ITFG1: variants seen among roughly 807,000 people sequenced by gnomAD.
ITFG1 encodes the protein T-cell immunomodulatory protein.
ITFG1 carries 34 observed loss-of-function variants against 81.8 expected under a neutral mutation model. The ratio of observed to expected loss-of-function variants is 0.42; its 90% CI spans 0.32 to 0.55. The LOEUF (loss-of-function observed/expected upper bound fraction) is 0.55, where lower values mean the gene tolerates loss of function less well. Ranked by LOEUF, ITFG1 falls within the 20% of genes least tolerant of loss-of-function variation. The probability of loss-of-function intolerance (pLI) is 0.17; values close to 1 mark genes in which losing one functional copy is unlikely to be tolerated. For synonymous variants in ITFG1, 285 were observed against 270.6 expected, an observed-to-expected ratio of 1.05 and a Z score of -0.52; for missense variants, 672 against 755.4, an observed-to-expected ratio of 0.89 and a Z score of 1.29.
At chr16:47,342,786 A>G (rs1967801904) in intron 8 of ITFG1, among the ~76,000 whole-genome samples, 1 of 152,144 alleles carries the variant, frequency 6.6e-6, no homozygotes, top group South Asian at 2.1e-4. Flanking sequence ...AACACCCAGG[A>G]GTAAATTTAA....
At chr16:47,200,621 GA>G (rs900968134) in intron 14 of ITFG1, among the ~76,000 whole-genome samples, 3 of 151,964 alleles carry the variant, frequency 2.0e-5, no homozygotes, top group African/African-American at 7.3e-5. Flanking sequence ...TTAAACCAGA[GA>G]AAAAAGAGAA....
At chr16:47,278,893 C>T (rs1389383174) in intron 10 of ITFG1, among the ~76,000 whole-genome samples, 1 of 152,148 alleles carries the variant, frequency 6.6e-6, no homozygotes, top group Non-Finnish European at 1.5e-5. Context: ...ATGGTGAATA[C>T]TTATGAAAGA....
intron 8 of ITFG1, among the ~76,000 whole-genome samples, chr16:47,336,724 G>C (rs981213346): frequency 6.6e-6 from 1 of 152,090 alleles, no homozygotes; most frequent in African/African-American, 2.4e-5. Context: ...AGCACTTTGG[G>C]AGGCCGAGGA....
intron 10 of ITFG1, among the ~76,000 whole-genome samples, chr16:47,302,797 T>C (rs1435025152): frequency 6.6e-6 from 1 of 152,186 alleles, no homozygotes; most frequent in Non-Finnish European, 1.5e-5. Flanking sequence ...AAAGCAAATC[T>C]TTTTATATCA....
In ITFG1 at chr16:47,323,427, G is replaced by C. The variant is rs1184564880; in HGVS notation, c.803-9604C>G. Among the ~76,000 whole-genome samples the C allele has an allele frequency of 2.6e-5, 4 of 152,094 alleles. No homozygotes were observed. In the East Asian group the frequency reaches 7.7e-4, roughly 29 times the overall value. On this transcript the variant is annotated intron_variant, in intron 8 of 17. Transcript: ENST00000320640. ...GTAATTTGATTCTCTGTGCTGCCTT[G>C]GGATTCTGCAGAGTCCCCACCAGGA...
chr16:47,400,462 A>T (rs1968646627), intron 6 of ITFG1, among the ~76,000 whole-genome samples: 1 of 139,626 alleles, frequency 7.2e-6, no homozygotes, highest in Admixed American at 7.3e-5. Context: ...CACTTTACAC[A>T]CACACACACA....
chr16:47,416,147 A>T (rs1034278898), intron 6 of ITFG1, among the ~76,000 whole-genome samples: 5 of 152,110 alleles, frequency 3.3e-5, no homozygotes, highest in African/African-American at 1.2e-4. Flanking sequence ...TTAACCATTT[A>T]TTTCATATGC....
chr16:47,270,052 G>C (rs1299395235), intron 10 of ITFG1, among the ~76,000 whole-genome samples: 1 of 152,038 alleles, frequency 6.6e-6, no homozygotes. Context: ...AATGGTGTTG[G>C]AACAATTTAC....
intron 10 of ITFG1, 81 bp downstream of exon 10, chr16:47,311,159 T>A: frequency 1.1e-6 from 1 of 923,732 alleles, no homozygotes; most frequent in Non-Finnish European, 1.6e-6. Flanking sequence ...ATTTAGGTAC[T>A]ATTCAGTTGC....
At chr16:47,312,916 T>A (rs1225449136) in intron 9 of ITFG1, 1 of 152,210 alleles carries the variant, frequency 6.6e-6, no homozygotes, top group African/African-American at 2.4e-5. Flanking sequence ...CTAATAATTA[T>A]GAACCAATGA....
chr16:47,429,930 G>A (rs1969072365), intron 5 of ITFG1, among the ~76,000 whole-genome samples: 1 of 151,656 alleles, frequency 6.6e-6, no homozygotes, highest in African/African-American at 2.4e-5. Flanking sequence ...TCAAAGGGCT[G>A]GGATTATAAG....
intron 14 of ITFG1, among the ~76,000 whole-genome samples, chr16:47,175,938 G>A (rs1965019346): frequency 1.3e-5 from 2 of 152,288 alleles, no homozygotes; most frequent in East Asian, 3.9e-4. Context: ...TCCAGGGTGT[G>A]CTTCATTGGT....
intron 13 of ITFG1, among the ~76,000 whole-genome samples, chr16:47,227,820 T>C (rs1275673634): frequency 6.6e-6 from 1 of 152,202 alleles, no homozygotes; most frequent in South Asian, 2.1e-4. Context: ...TTCATGATTC[T>C]AAAATATTAG....
chr16:47,293,402 C>T (rs974777501), intron 10 of ITFG1, among the ~76,000 whole-genome samples: 8 of 151,838 alleles, frequency 5.3e-5, no homozygotes, highest in African/African-American at 1.9e-4. Context: ...AATGGTAGTT[C>T]TATTTTTAGT....
intron 6 of ITFG1, among the ~76,000 whole-genome samples, chr16:47,416,298 T>G (rs1448303715): frequency 1.3e-5 from 2 of 151,940 alleles, no homozygotes; most frequent in African/African-American, 2.4e-5. Flanking sequence ...TATAATCATA[T>G]AGTGGATAAG....
chr16:47,355,928 T>C (rs1343400568), intron 8 of ITFG1, among the ~76,000 whole-genome samples: 1 of 152,186 alleles, frequency 6.6e-6, no homozygotes, highest in Non-Finnish European at 1.5e-5. Context: ...GAAGATTCAC[T>C]ATCAAAACAC....
intron 8 of ITFG1, among the ~76,000 whole-genome samples, chr16:47,336,724 G>A (rs981213346): frequency 1.3e-5 from 2 of 152,090 alleles, no homozygotes; most frequent in African/African-American, 2.4e-5. Context: ...AGCACTTTGG[G>A]AGGCCGAGGA....
chr16:47,345,311 G>C (rs374911703), intron 8 of ITFG1, among the ~76,000 whole-genome samples: 1 of 146,150 alleles, frequency 6.8e-6, no homozygotes, highest in Non-Finnish European at 1.5e-5. Context: ...TTGTTTGTTT[G>C]TTTTTTTTAG....
At chr16:47,215,915 T>C (rs1378913996) in intron 14 of ITFG1, among the ~76,000 whole-genome samples, 2 of 152,334 alleles carry the variant, frequency 1.3e-5, no homozygotes, top group East Asian at 3.9e-4. Context: ...ACTGCATTTA[T>C]TTTTACCTTA....
Sources: allele counts gnomAD v4.1 joint callset (sites outside exome capture counted in the v4.1 genomes callset), GRCh38; gene constraint gnomAD v4.1.1; transcripts MANE v1.5; gene names NCBI Gene and HGNC (gene_info 2026-07-23, HGNC 2026-07-21).